Variants in AMBRA1 observed in about 807,000 individuals in gnomAD.
AMBRA1 encodes the protein activating molecule in BECN1-regulated autophagy protein 1.
A neutral mutation model predicts 125.4 loss-of-function variants in AMBRA1; 47 were observed. That is an observed-to-expected ratio of 0.37 (90% CI 0.30 to 0.48). The LOEUF (loss-of-function observed/expected upper bound fraction) is 0.48, where lower values mean the gene tolerates loss of function less well. Ranked by LOEUF, AMBRA1 falls within the 20% of genes least tolerant of loss-of-function variation. The pLI, the probability that AMBRA1 is intolerant of heterozygous loss-of-function variation, is 0.99. For missense variants in AMBRA1, 1,331 were observed against 1,693.4 expected (o/e 0.79, Z 3.76); for synonymous variants, 626 against 655.5 (o/e 0.95, Z 0.69).
At chr11:46,501,066 C>A (rs1950819826) in intron 9 of AMBRA1, among the ~76,000 whole-genome samples, 1 of 152,218 alleles carries the variant, frequency 6.6e-6, no homozygotes, top group Non-Finnish European at 1.5e-5. Context: ...TACAGTCTAG[C>A]CACACCTATC....
chr11:46,478,409 C>T (rs1949909178), intron 11 of AMBRA1, among the ~76,000 whole-genome samples: 1 of 152,104 alleles, frequency 6.6e-6, no homozygotes. Flanking sequence ...ATACATTTGG[C>T]CCCAAGGGGC....
intron 17 of AMBRA1, among the ~76,000 whole-genome samples, chr11:46,406,372 TAAA>T (rs529275776): frequency 2.7e-4 from 22 of 81,554 alleles, no homozygotes; most frequent in Admixed American, 2.9e-4. Flanking sequence ...ATCTTTAAAT[TAAA>T]AAAAAAAAAA....
At chr11:46,568,803 CTTTTTTTTTTT>C (rs774631588) in intron 1 of AMBRA1, among the ~76,000 whole-genome samples, 1 of 96,466 alleles carries the variant, frequency 1.0e-5, no homozygotes, top group African/African-American at 4.6e-5. Flanking sequence ...TCAACCCTAC[CTTTTTTTTTTT>C]TTTTTTTTTT....
At chr11:46,429,565 C>A (rs1210855860) in intron 14 of AMBRA1, among the ~76,000 whole-genome samples, 1 of 152,176 alleles carries the variant, frequency 6.6e-6, no homozygotes, top group Non-Finnish European at 1.5e-5. Flanking sequence ...CAGGCTTCTG[C>A]CCCTATTCCT....
At chr11:46,551,453 A>G (rs1207929731) in intron 1 of AMBRA1, among the ~76,000 whole-genome samples, 1 of 152,152 alleles carries the variant, frequency 6.6e-6, no homozygotes, top group Non-Finnish European at 1.5e-5. Context: ...GCTAACTTTT[A>G]AAATTATTTT....
chr11:46,566,314 C>T (rs1007239499), intron 1 of AMBRA1, among the ~76,000 whole-genome samples: 3 of 151,492 alleles, frequency 2.0e-5, no homozygotes, highest in Admixed American at 2.0e-4. Context: ...GCTACCGGGG[C>T]GGCTGAGGCA....
chr11:46,491,009 C>T (rs1950439679), intron 11 of AMBRA1: 1 of 152,084 alleles, frequency 6.6e-6, no homozygotes, highest in South Asian at 2.1e-4. Flanking sequence ...TACATGATCA[C>T]AAGTAAGTTT....
intron 11 of AMBRA1, among the ~76,000 whole-genome samples, chr11:46,452,675 G>C (rs1948668563): frequency 6.6e-6 from 1 of 152,036 alleles, no homozygotes; most frequent in Admixed American, 6.5e-5. Flanking sequence ...CTTAAAATCT[G>C]TCCTAAGAAA....
At chr11:46,529,873 G>A (rs1276426340) in intron 7 of AMBRA1, among the ~76,000 whole-genome samples, 1 of 152,126 alleles carries the variant, frequency 6.6e-6, no homozygotes, top group Admixed American at 6.6e-5. Context: ...ACACAAACAT[G>A]TTGTCAGGAA....
intron 17 of AMBRA1, among the ~76,000 whole-genome samples, chr11:46,400,806 C>G (rs979129992): frequency 7.9e-5 from 12 of 152,076 alleles, no homozygotes; most frequent in African/African-American, 2.9e-4. Context: ...GACGATCTTC[C>G]TCAGCATTAT....
chr11:46,517,320 G>T (rs188699307), intron 7 of AMBRA1, among the ~76,000 whole-genome samples: 1 of 150,810 alleles, frequency 6.6e-6, no homozygotes, highest in Non-Finnish European at 1.5e-5. Flanking sequence ...GCTGATTTTT[G>T]TATTTTTAGT....
intron 1 of AMBRA1, among the ~76,000 whole-genome samples, chr11:46,573,673 T>C (rs1423558770): frequency 6.6e-6 from 1 of 151,478 alleles, no homozygotes; most frequent in Admixed American, 6.6e-5. Flanking sequence ...CTTTTTTTTT[T>C]TTTTTATTAT....
intron 7 of AMBRA1, 136 bp from the exon 8 acceptor site, chr11:46,512,949 C>A: frequency 1.5e-6 from 1 of 668,354 alleles, no homozygotes. Context: ...GGATCACACC[C>A]TTCTACAAGC....
At chr11:46,411,125 A>T (rs1024432912) in intron 15 of AMBRA1, among the ~76,000 whole-genome samples, 1 of 151,416 alleles carries the variant, frequency 6.6e-6, no homozygotes, top group East Asian at 1.9e-4. Context: ...GAAAAAAAAA[A>T]AAAAGAAAAG....
intron 11 of AMBRA1, among the ~76,000 whole-genome samples, chr11:46,445,071 C>CA (rs11386442): frequency 0.062 from 5,519 of 89,616 alleles, 139 homozygotes; most frequent in East Asian, 0.15. Context: ...AAAAGAAAAA[C>CA]AAAAAAAAAA....
intron 1 of AMBRA1, among the ~76,000 whole-genome samples, chr11:46,553,354 T>A (rs1241047203): frequency 1.3e-5 from 2 of 152,138 alleles, no homozygotes; most frequent in African/African-American, 4.8e-5. Context: ...ACCAGATGTA[T>A]CCAAATACAG....
At chr11:46,536,556 TAGTC>T (rs1241315326) in intron 7 of AMBRA1, among the ~76,000 whole-genome samples, 1 of 152,206 alleles carries the variant, frequency 6.6e-6, no homozygotes, top group Non-Finnish European at 1.5e-5. Flanking sequence ...CTTTCTATAG[TAGTC>T]AGGCTAAGAA....
At chr11:46,493,976 C>T (rs879844299) in intron 10 of AMBRA1, 148 bp downstream of exon 10, 18 of 747,620 alleles carry the variant, frequency 2.4e-5, no homozygotes, top group Non-Finnish European at 3.9e-5. Flanking sequence ...AACCATCATC[C>T]GTCAAGAGTT....
intron 10 of AMBRA1, 188 bp from the exon 11 acceptor site, chr11:46,493,896 T>C (rs1341647798): frequency 9.4e-6 from 6 of 636,166 alleles, no homozygotes; most frequent in Non-Finnish European, 1.6e-5. Flanking sequence ...CCTTCTAAAG[T>C]TCCCCCAACA....
Sources: gnomAD v4.1 joint callset for allele counts (sites outside exome capture counted in the v4.1 genomes callset) on GRCh38, gnomAD v4.1.1 for gene constraint, MANE v1.5 for transcripts, NCBI Gene and HGNC (gene_info 2026-07-23, HGNC 2026-07-21) for gene names.